Variants in RP1 observed in about 807,000 individuals in gnomAD.
RP1 encodes oxygen-regulated protein 1.
RP1 carries 16 observed loss-of-function variants against 14.8 expected under a neutral mutation model. The ratio of observed to expected loss-of-function variants is 1.08; its 90% CI spans 0.73 to 1.65. RP1 has a LOEUF of 1.65. Among genes scored for constraint, RP1 ranks in the 40% most tolerant of loss-of-function variants. The probability of loss-of-function intolerance (pLI) is 0.00; values close to 1 mark genes in which losing one functional copy is unlikely to be tolerated. For synonymous variants in RP1, 876 were observed against 883.6 expected (o/e 0.99, Z 0.15); for missense variants, 2,631 against 2,535.0 (o/e 1.04, Z -0.81).
intron 1 of RP1, among the ~76,000 whole-genome samples, chr8:54,596,584 A>T (rs962441829): frequency 1.2e-4 from 18 of 152,162 alleles, no homozygotes; most frequent in African/African-American, 4.1e-4. Context: ...CTCTTGATTT[A>T]ACATTGTTTT....
At chr8:54,790,353 A>G (rs957149010) in intron 24 of RP1, among the ~76,000 whole-genome samples, 10 of 152,232 alleles carry the variant, frequency 6.6e-5, no homozygotes, top group African/African-American at 2.4e-4. Flanking sequence ...TTCCCTGCCA[A>G]AGTGAACCTG....
chr8:54,779,619 T>A (rs1212454677), intron 23 of RP1, among the ~76,000 whole-genome samples: 1 of 152,202 alleles, frequency 6.6e-6, no homozygotes, highest in Non-Finnish European at 1.5e-5. Context: ...GAAGGGCTAT[T>A]GAACTTCACT....
At position 54,706,437 on chromosome 8, in the gene RP1, C is replaced by T. The variant is rs1466479699; in HGVS notation, c.1999-6C>T. The T allele has an allele frequency of 9.1e-6, 14 of 1,535,466 alleles. No homozygotes were observed. In the African/African-American group the frequency reaches 1.2e-4, roughly 14 times the overall value. ...CTGCCTTTCTGTTCTGTTTGTTGCT[C>T]TGAAGGGGGTGTTCCTCAACAGTGC... On this transcript the variant is annotated splice_region_variant and splice_polypyrimidine_tract_variant and intron_variant, in intron 14 of 22. Coordinates refer to the RP1 transcript ENST00000636932.
chr8:54,781,049 C>T (rs573393349), intron 23 of RP1: 3 of 984,234 alleles, frequency 3.0e-6, no homozygotes, highest in South Asian at 4.7e-5. Context: ...ATTTTTAACA[C>T]AAAAGGAAAG....
chr8:54,623,172 G>A (rs1262363697), intron 3 of RP1, among the ~76,000 whole-genome samples: 1 of 152,036 alleles, frequency 6.6e-6, no homozygotes, highest in Non-Finnish European at 1.5e-5. Context: ...TATTTTGTAA[G>A]CATTAGGTTG....
Position 54,679,595 on chromosome 8 carries a change from G to A in RP1, c.1556-1G>A, listed in dbSNP as rs1807377923. The stretch of plus-strand genomic sequence containing the variant: ...TAATTGCCCTCTCTTTATCTTCTCA[G>A]GGCAGAAATTGGAACTTAAGAGAAA... On this transcript the variant is annotated splice_acceptor_variant, in intron 10 of 22. Transcript: ENST00000636932. LOFTEE classifies it high-confidence loss of function. The A allele has an allele frequency of 1.3e-6, 2 of 1,535,930 alleles. No individual in the cohort carries two copies. Among genetic ancestry groups the A allele is most frequent in the Non-Finnish European group, 1.7e-6 (2 of 1,146,826 alleles).
chr8:54,869,719 T>A (rs1018434886), intron 28 of RP1: 79 of 416,094 alleles, frequency 1.9e-4, no homozygotes, highest in Non-Finnish European at 2.9e-4. Context: ...AATCCTTTTT[T>A]AAAATTCTGA....
chr8:54,623,249 A>G (rs1805930464), intron 3 of RP1, among the ~76,000 whole-genome samples: 1 of 152,140 alleles, frequency 6.6e-6, no homozygotes, highest in South Asian at 2.1e-4. Context: ...TGATTTTATT[A>G]TCTTATGTCT....
chr8:54,620,810 A>G (rs1805837753), intron 1 of RP1, 145 bp from the exon 2 acceptor site: 1 of 765,800 alleles, frequency 1.3e-6, no homozygotes, highest in Non-Finnish European at 2.2e-6. Context: ...TTCAAAATTG[A>G]TAGGTATAAT....
chr8:54,630,454 T>G lies in RP1; in HGVS notation c.*101T>G. On this transcript the variant is annotated 3_prime_UTR_variant, in exon 4 of 4. Coordinates refer to ENST00000220676, the MANE Select transcript of RP1 (RefSeq NM_006269.2). Reference sequence around the variant, plus strand: ...TAGATAACCTCTAAGAATTTTCCACTTCTTCAAAATGAACTTACTCTAGAA... The same window carrying G: ...TAGATAACCTCTAAGAATTTTCCACGTCTTCAAAATGAACTTACTCTAGAA... 1 of 1,538,570 alleles carries G rather than the reference T, an allele frequency of 6.5e-7. No homozygotes were observed. Among genetic ancestry groups the G allele is most frequent in the Non-Finnish European group, 8.7e-7 (1 of 1,144,076 alleles).
intron 1 of RP1, among the ~76,000 whole-genome samples, chr8:54,578,186 A>C (rs1394785543): frequency 6.6e-6 from 1 of 151,866 alleles, no homozygotes; most frequent in African/African-American, 2.4e-5. Flanking sequence ...AGCTCAGAGG[A>C]ATCAACTAAT....
intron 24 of RP1, among the ~76,000 whole-genome samples, chr8:54,811,875 A>G (rs557171656): frequency 1.7e-4 from 26 of 152,348 alleles, no homozygotes; most frequent in African/African-American, 6.0e-4. Flanking sequence ...CTTCCTTCAC[A>G]CTATTCAGCA....
At chr8:54,829,446 T>C (rs1585728339) in intron 24 of RP1, among the ~76,000 whole-genome samples, 1 of 152,158 alleles carries the variant, frequency 6.6e-6, no homozygotes, top group Non-Finnish European at 1.5e-5. Flanking sequence ...ATAAATACAA[T>C]CAATAAAAAT....
intron 27 of RP1, among the ~76,000 whole-genome samples, chr8:54,861,105 A>G (rs1260218051): frequency 1.3e-5 from 2 of 152,234 alleles, no homozygotes; most frequent in Non-Finnish European, 2.9e-5. Flanking sequence ...ACACTAAAAG[A>G]AAAGTATACC....
At chr8:54,799,483 A>C (rs1292906063) in intron 24 of RP1, among the ~76,000 whole-genome samples, 1 of 151,998 alleles carries the variant, frequency 6.6e-6, no homozygotes, top group Non-Finnish European at 1.5e-5. Context: ...TCTCATTTAA[A>C]GTGATTATTA....
At chr8:54,669,074 A>G (rs1807083293) in intron 7 of RP1, among the ~76,000 whole-genome samples, 1 of 152,224 alleles carries the variant, frequency 6.6e-6, no homozygotes, top group Non-Finnish European at 1.5e-5. Context: ...AGGAACTACC[A>G]TCAGAGTGAA....
intron 6 of RP1, among the ~76,000 whole-genome samples, chr8:54,661,738 A>G (rs973619674): frequency 6.6e-6 from 1 of 152,134 alleles, no homozygotes; most frequent in Non-Finnish European, 1.5e-5. Flanking sequence ...CTTCACGCCC[A>G]TGAATATCAG....
chr8:54,765,046 G>A lies in RP1; in HGVS notation c.3249-4695G>A, dbSNP rs1004490624. Among the ~76,000 whole-genome samples, 7 of 152,330 alleles carry A rather than the reference G, an allele frequency of 4.6e-5. No homozygotes were observed. In the South Asian group the frequency reaches 1.2e-3, roughly 27 times the overall value. On this transcript the variant is annotated intron_variant, in intron 22 of 22. Transcript: ENST00000636932. ...CACCGCAAGGGGGCTCCGCCTTGACGGCCTGGCAGAGAGCGGCGTTTCTGC... is the reference window on the plus strand; with the variant it reads ...CACCGCAAGGGGGCTCCGCCTTGACAGCCTGGCAGAGAGCGGCGTTTCTGC...
chr8:54,724,231 A>G (rs746647180), intron 16 of RP1, among the ~76,000 whole-genome samples: 27 of 152,232 alleles, frequency 1.8e-4, no homozygotes, highest in Non-Finnish European at 3.4e-4. Context: ...GTTTCAGATG[A>G]TAAAATAGAC....
Sources: allele counts gnomAD v4.1 joint callset (sites outside exome capture counted in the v4.1 genomes callset), GRCh38; gene constraint gnomAD v4.1.1; transcripts MANE v1.5; gene names NCBI Gene and HGNC (gene_info 2026-07-23, HGNC 2026-07-21).